PCDH15: variants seen among roughly 807,000 people sequenced by gnomAD.
PCDH15 encodes protocadherin-15.
PCDH15 carries 129 observed loss-of-function variants against 178.5 expected under a neutral mutation model. The observed-to-expected ratio is 0.72, with a 90% confidence interval of 0.63 to 0.84. The LOEUF (loss-of-function observed/expected upper bound fraction) is 0.84. Ranked by LOEUF, PCDH15 falls within the 40% of genes least tolerant of loss-of-function variation. PCDH15 has a pLI of 0.00. For missense variants in PCDH15, 2,230 were observed against 2,099.9 expected (o/e 1.06, Z -1.21); for synonymous variants, 800 against 732.0 (o/e 1.09, Z -1.50).
chr10:53,893,941 T>A (rs921719428), intron 26 of PCDH15, among the ~76,000 whole-genome samples: 1 of 152,122 alleles, frequency 6.6e-6, no homozygotes, highest in Admixed American at 6.6e-5. Flanking sequence ...CCCAAAATAC[T>A]TTTTTGCTAA....
intron 5 of PCDH15, among the ~76,000 whole-genome samples, chr10:54,365,579 CTT>C (rs776239242): frequency 6.6e-6 from 1 of 152,052 alleles, no homozygotes; most frequent in Non-Finnish European, 1.5e-5. Flanking sequence ...TTGACTTGCT[CTT>C]GTTTACTTAC....
At chr10:54,726,347 A>C (rs1196497049) in intron 1 of PCDH15, among the ~76,000 whole-genome samples, 2 of 151,714 alleles carry the variant, frequency 1.3e-5, no homozygotes, top group East Asian at 3.9e-4. Flanking sequence ...AAATATTTGT[A>C]AAATAATAAA....
intron 3 of PCDH15, among the ~76,000 whole-genome samples, chr10:54,814,317 T>C (rs1952915233): frequency 6.6e-6 from 1 of 152,214 alleles, no homozygotes; most frequent in South Asian, 2.1e-4. Context: ...ACATACATGT[T>C]TATTTAAATT....
rs35481515 is a variant in PCDH15 at position 54,853,336 on chromosome 10, C to CATAT, written c.-29+44110_-29+44113dup. Among the ~76,000 whole-genome samples the CATAT allele has an allele frequency of 2.2e-3, 278 of 126,478 alleles. 5 individuals carry two copies. Among genetic ancestry groups the CATAT allele is most frequent in the Admixed American group, 0.013 (167 of 12,674 alleles). The allele number at this position is 126,478 out of a possible 152,430, so 83.0% of individuals were successfully genotyped here. On this transcript the variant is annotated intron_variant, in intron 3 of 5. Transcript: ENST00000458638. Reference sequence around the variant, plus strand: ...ATATATATACATACACACACATATACATATATATACATATATATATACACA... The same window carrying CATAT: ...ATATATATACATACACACACATATACATATATATATATACATATATATATACACA...
intron 1 of PCDH15, among the ~76,000 whole-genome samples, chr10:55,311,610 C>T (rs1015618629): frequency 6.6e-6 from 1 of 152,062 alleles, no homozygotes; most frequent in Non-Finnish European, 1.5e-5. Context: ...ATGAAATAGA[C>T]CTTTTGGAAA....
chr10:55,147,281 G>T (rs1838545238), intron 2 of PCDH15, among the ~76,000 whole-genome samples: 2 of 151,234 alleles, frequency 1.3e-5, no homozygotes, highest in African/African-American at 4.8e-5. Flanking sequence ...AAAAAGAAAA[G>T]AAGTAAAATT....
intron 1 of PCDH15, among the ~76,000 whole-genome samples, chr10:55,277,200 T>C (rs949432334): frequency 1.3e-5 from 2 of 152,108 alleles, no homozygotes; most frequent in African/African-American, 4.8e-5. Context: ...TTAATATATA[T>C]GGTCTTGATT....
chr10:54,825,109 T>C (rs1417722990), intron 3 of PCDH15, among the ~76,000 whole-genome samples: 1 of 151,790 alleles, frequency 6.6e-6, no homozygotes, highest in Non-Finnish European at 1.5e-5. Context: ...CACCTATGAG[T>C]GAGAACATGC....
At position 55,162,229 on chromosome 10, in the gene PCDH15, T is replaced by C. The variant is rs1461790623; in HGVS notation, c.-80+4347A>G. 5.3e-5 allele frequency among the ~76,000 whole-genome samples: 8 copies of C among 152,196 alleles called. No homozygotes were observed. The South Asian group carries it at 1.0e-3, about 20-fold the overall frequency. On this transcript the variant is annotated intron_variant, in intron 2 of 5. Coordinates refer to the PCDH15 transcript ENST00000458638. ...ATGTAGAACTTCCCGTATTTGCTTATAGTTCTTAAATTACTTTCTTTAACC... is the reference window on the plus strand; with the variant it reads ...ATGTAGAACTTCCCGTATTTGCTTACAGTTCTTAAATTACTTTCTTTAACC...
intron 3 of PCDH15, among the ~76,000 whole-genome samples, chr10:54,511,635 A>G (rs2081674080): frequency 6.6e-6 from 1 of 152,204 alleles, no homozygotes; most frequent in South Asian, 2.1e-4. Context: ...TGATCACATT[A>G]AATTTGGAAA....
At position 54,183,620 on chromosome 10, in the gene PCDH15, T is replaced by G. The variant is rs749086823; in HGVS notation, c.1441-27A>C. 1.9e-6 allele frequency: 3 copies of G among 1,612,230 alleles called. No homozygotes were observed. In the Admixed American group the frequency reaches 5.0e-5, roughly 27 times the overall value. ...TTTGGGAGGAGAAAAATACACTTAG[T>G]AGAGATGTTCTGCAAATATAAGTAG... is the stretch of plus-strand genomic sequence containing the variant. On this transcript the variant is annotated intron_variant, in intron 12 of 37. Coordinates refer to ENST00000644397, the MANE Select transcript of PCDH15 (RefSeq NM_001384140.1).
intron 3 of PCDH15, among the ~76,000 whole-genome samples, chr10:54,430,448 T>G (rs1189668585): frequency 6.6e-6 from 1 of 152,106 alleles, no homozygotes; most frequent in Non-Finnish European, 1.5e-5. Context: ...TCAAAAAAAT[T>G]GAAATATCAA....
Position 55,285,398 on chromosome 10 carries a change from T to C in PCDH15, c.-156+34201A>G, listed in dbSNP as rs902125526. On this transcript the variant is annotated intron_variant, in intron 1 of 5. Coordinates refer to the PCDH15 transcript ENST00000458638. The stretch of plus-strand genomic sequence containing the variant: ...TAGGTACATATATTATTATGATTTG[T>C]CCAAATTGTTTTTCAGCATGCATAT... 1.1e-4 allele frequency among the ~76,000 whole-genome samples: 17 copies of C among 151,686 alleles called. No individual in the cohort carries two copies. The East Asian group carries it at 3.3e-3, about 29-fold the overall frequency.
chr10:54,183,965 A>G (rs955079517), intron 12 of PCDH15, among the ~76,000 whole-genome samples: 1 of 152,164 alleles, frequency 6.6e-6, no homozygotes, highest in Non-Finnish European at 1.5e-5. Context: ...TTTGTATACA[A>G]TAGTTCCTTG....
chr10:54,664,362 C>T (rs1169437071), intron 1 of PCDH15, 72 bp from the exon 2 acceptor site: 1 of 973,374 alleles, frequency 1.0e-6, no homozygotes, highest in Non-Finnish European at 1.6e-6. Flanking sequence ...ACAATTGTCA[C>T]AGCACAGAAA....
intron 3 of PCDH15, among the ~76,000 whole-genome samples, chr10:54,389,704 C>T (rs564461563): frequency 6.6e-5 from 10 of 150,788 alleles, no homozygotes; most frequent in Non-Finnish European, 8.8e-5. Context: ...TTTGGGAGGC[C>T]GAGGCGGGTG....
At chr10:54,338,030 C>A (rs1941528461) in intron 6 of PCDH15, among the ~76,000 whole-genome samples, 1 of 152,200 alleles carries the variant, frequency 6.6e-6, no homozygotes, top group South Asian at 2.1e-4. Flanking sequence ...CTCTCCCTCA[C>A]ACAAATACAA....
intron 1 of PCDH15, among the ~76,000 whole-genome samples, chr10:54,792,909 A>G (rs1951558615): frequency 1.3e-5 from 2 of 151,816 alleles, no homozygotes; most frequent in South Asian, 4.1e-4. Flanking sequence ...AGAAAGAAGG[A>G]AATGTACTGA....
chr10:55,381,481 T>A (rs555573314), intron 2 of PCDH15, among the ~76,000 whole-genome samples: 1 of 151,852 alleles, frequency 6.6e-6, no homozygotes, highest in Non-Finnish European at 1.5e-5. Flanking sequence ...CCAAGAGAGA[T>A]GAAAGGTCAT....
Sources: allele counts gnomAD v4.1 joint callset (sites outside exome capture counted in the v4.1 genomes callset), GRCh38; gene constraint gnomAD v4.1.1; transcripts MANE v1.5; gene names NCBI Gene and HGNC (gene_info 2026-07-23, HGNC 2026-07-21).